The following PNKP variants were observed in gnomAD, a reference collection of about 807,000 sequenced individuals.
PNKP encodes the protein bifunctional polynucleotide phosphatase/kinase.
PNKP carries 82 observed loss-of-function variants against 66.2 expected under a neutral mutation model. That is an observed-to-expected ratio of 1.24 (90% CI 1.04 to 1.49). The LOEUF is 1.49. PNKP is among the 40% of genes most tolerant of loss of function. The probability of loss-of-function intolerance (pLI) is 0.00; values close to 1 mark genes in which losing one functional copy is unlikely to be tolerated. For missense variants in PNKP, 907 were observed against 706.8 expected (o/e 1.28, Z -3.21); for synonymous variants, 412 against 298.9 (o/e 1.38, Z -3.90).
intron 8 of PNKP, 24 bp downstream of exon 8, chr19:49,863,665 G>T: frequency 2.0e-6 from 3 of 1,538,094 alleles, no homozygotes; most frequent in East Asian, 4.9e-5. Flanking sequence ...AAAGGAGGGG[G>T]GCCGGGCAGG....
chr19:49,864,184 A>T lies in PNKP; in HGVS notation c.631T>A (p.Tyr211Asn). The T allele has an allele frequency of 6.2e-7, 1 of 1,614,150 alleles. No homozygotes were observed. Among genetic ancestry groups the T allele is most frequent in the Non-Finnish European group, 8.5e-7 (1 of 1,180,008 alleles). Residue 211 changes from tyrosine to asparagine, a missense_variant, in exon 6 of 17, where the codon TAC (tyrosine) becomes AAC (asparagine). Coordinates refer to ENST00000322344, the MANE Select transcript of PNKP (RefSeq NM_007254.4). Reference sequence around the variant, plus strand: ...AGACAGGCGGCTGCACATACCTTGTAGCCCTCGGCTTCCAGCTCTCGGAGC... The same window carrying T: ...AGACAGGCGGCTGCACATACCTTGTTGCCCTCGGCTTCCAGCTCTCGGAGC... Reference protein sequence around the residue: ...RKLRELEAEGYKLVIFTNQMS... With the variant: ...RKLRELEAEGNKLVIFTNQMS...
intron 3 of PNKP, 79 bp downstream of exon 3, chr19:49,866,320 T>C (rs1228535187): frequency 8.4e-6 from 11 of 1,306,892 alleles, no homozygotes; most frequent in Admixed American, 1.7e-5. Context: ...TTTCCTAATG[T>C]ACCCCTTCAC....
At position 49,864,344 on chromosome 19, in the gene PNKP, G is replaced by A; in HGVS notation, c.558C>T (p.Pro186=). 6.2e-7 allele frequency: 1 copy of A among 1,613,846 alleles called. No individual in the cohort carries two copies. The highest frequency in any genetic ancestry group is 8.5e-7 in the Non-Finnish European group (1 of 1,179,750). The stretch of plus-strand genomic sequence containing the variant: ...ATCACCTCCAGTCACTGGGGCCAGT[G>A]GGAAAGACCTTCCCAGAGCGTGTGG... ...LITTRSGKVF[P]TGPSDWRILY... is the part of the protein sequence containing the mutation. The change falls in exon 5 of 17, where the codon CCC becomes CCT. Residue 186 remains proline, a synonymous_variant. Transcript: ENST00000322344.
intron 10 of PNKP, 34 bp downstream of exon 10, chr19:49,862,504 G>C (rs1270557349): frequency 1.2e-6 from 2 of 1,600,590 alleles, no homozygotes; most frequent in Non-Finnish European, 1.7e-6. Flanking sequence ...GCCAGGGTCG[G>C]GCTCGGGCGC....
At chr19:49,867,375 G>A in intron 1 of PNKP, 94 bp downstream of exon 1, 3 of 724,506 alleles carry the variant, frequency 4.1e-6, no homozygotes, top group South Asian at 1.8e-5. Flanking sequence ...CCCAGGCGAC[G>A]ACGCGTGCTC....
chr19:49,864,004 T>C lies in PNKP; in HGVS notation c.704A>G (p.Lys235Arg). Residue 235 changes from lysine to arginine, a missense_variant, in exon 7 of 17, where the codon AAG (lysine) becomes AGG (arginine). Transcript: ENST00000322344. ...GKLPAEEFKA[K>R]VEAVVEKLGV... The stretch of plus-strand genomic sequence containing the variant: ...CAGCTTCTCCACCACAGCCTCCACC[T>C]TGGCCTTGAACTCCTCGGCTGGCAG... 6.2e-7 allele frequency: 1 copy of C among 1,614,068 alleles called. No homozygotes were observed. Among genetic ancestry groups the C allele is most frequent in the Non-Finnish European group, 8.5e-7 (1 of 1,180,000 alleles).
Position 49,861,614 on chromosome 19 carries a change from G to C in PNKP, c.1380C>G (p.Asn460Lys). 1 of 1,556,978 alleles carries C rather than the reference G, an allele frequency of 6.4e-7. No homozygotes were observed. Among genetic ancestry groups the C allele is most frequent in the South Asian group, 1.2e-5 (1 of 84,986 alleles). Reference sequence around the variant, plus strand: ...CCGGGCTGAGCGGGCTCACCCGGTTGTTGTGGCGCGCCTGCTCCAGAGTGG... The same window carrying C: ...CCGGGCTGAGCGGGCTCACCCGGTTCTTGTGGCGCGCCTGCTCCAGAGTGG... ...FTATLEQARH[N>K]NRFREMTDSS... Residue 460 changes from asparagine to lysine, a missense_variant, in exon 15 of 17, where the codon AAC becomes AAG. Transcript: ENST00000322344.
intron 14 of PNKP, 21 bp from the exon 15 acceptor site, chr19:49,861,716 T>G (rs1405937887): frequency 6.5e-7 from 1 of 1,548,748 alleles, no homozygotes; most frequent in South Asian, 1.2e-5. Flanking sequence ...AGGAGCTGGA[T>G]GTGCAGGCCC....
Position 49,867,034 on chromosome 19 carries a change from C to A in PNKP, c.151+20G>T, listed in dbSNP as rs2074825312. 1.2e-6 allele frequency: 2 copies of A among 1,612,890 alleles called. 1 individual carries two copies. Among genetic ancestry groups the A allele is most frequent in the South Asian group, 2.2e-5 (2 of 91,052 alleles). On this transcript the variant is annotated intron_variant, in intron 2 of 16. Transcript: ENST00000322344. ...GCTTTTGCAGCAGGCCACACCCCCTCCAGCTCAGGCCCCGCTCACCTTGAG... is the reference window on the plus strand; with the variant it reads ...GCTTTTGCAGCAGGCCACACCCCCTACAGCTCAGGCCCCGCTCACCTTGAG...
intron 3 of PNKP, 90 bp from the exon 4 acceptor site, chr19:49,865,516 TC>T: frequency 2.3e-6 from 2 of 860,488 alleles, no homozygotes; most frequent in Non-Finnish European, 3.8e-6. Context: ...TCAGCCCTTC[TC>T]CACCACTATC....
At chr19:49,862,019 T>C in intron 13 of PNKP, 25 bp downstream of exon 13, 1 of 1,613,208 alleles carries the variant, frequency 6.2e-7, no homozygotes, top group Non-Finnish European at 8.5e-7. Context: ...ATAATAGATT[T>C]GGGGCGGCAA....
intron 4 of PNKP, among the ~76,000 whole-genome samples, 172 bp from the exon 5 acceptor site, chr19:49,864,575 T>G (rs1422144393): frequency 6.6e-6 from 1 of 152,114 alleles, no homozygotes; most frequent in Non-Finnish European, 1.5e-5. Context: ...TGCCTCTGAG[T>G]GGGGCCCGAC....
In PNKP at chr19:49,864,395, G is replaced by T. The variant is rs1412139462; in HGVS notation, c.507C>A (p.Gly169=). ...TGATGAGCGTCCCGTCCAGATCAAA[G>T]CCAGCCACCTGGTGTCACCAAGGAA... The part of the protein sequence containing the change: ...AGVKPQGKVA[G]FDLDGTLITT... The change falls in exon 5 of 17, where the codon GGC becomes GGA. Residue 169 remains glycine (G), a synonymous_variant. Transcript: ENST00000322344. 6.2e-7 allele frequency: 1 copy of T among 1,613,230 alleles called. No individual in the cohort carries two copies. The highest frequency in any genetic ancestry group is 2.2e-5 in the East Asian group (1 of 44,880).
rs768347980 is a variant in PNKP, at chr19:49,865,339, C to G, written c.286G>C (p.Val96Leu). Residue 96 changes from valine (V) to leucine (L), a missense_variant, in exon 4 of 17, where the codon GTC (valine) becomes CTC (leucine). Physicochemically the swap from Val to Leu is conservative, Grantham distance 32. Transcript: ENST00000322344. ...AGGGTCAGTGGGTGGAGGCCATTGA[C>G]CAAATACAGTGTGTCCCCCACCCCC... ...SLGVGDTLYL[V>L]NGLHPLTLRW... 8.1e-6 allele frequency: 13 copies of G among 1,614,004 alleles called. No individual in the cohort carries two copies. The highest frequency in any genetic ancestry group is 5.0e-5 in the Admixed American group (3 of 60,016).
Position 49,865,116 on chromosome 19 carries a change from G to C in PNKP, c.498+11C>G. The C allele has an allele frequency of 1.9e-6, 3 of 1,611,904 alleles. No homozygotes were observed. The highest frequency in any genetic ancestry group is 1.7e-6 in the Non-Finnish European group (2 of 1,178,838). On this transcript the variant is annotated intron_variant, in intron 4 of 16. Coordinates refer to ENST00000322344, the MANE Select transcript of PNKP (RefSeq NM_007254.4). Reference sequence around the variant, plus strand: ...TGTGGCGGCTCCCTCAGCCCTCGGCGTGGCCCTCACCTTGCCCTGGGGTTT... The same window carrying C: ...TGTGGCGGCTCCCTCAGCCCTCGGCCTGGCCCTCACCTTGCCCTGGGGTTT...
Position 49,863,689 on chromosome 19 carries a change from C to T in PNKP, c.816G>A (p.Gln272=), listed in dbSNP as rs534099292. Residue 272 remains glutamine, a splice_region_variant and synonymous_variant, in exon 8 of 17, where the codon CAG becomes CAA. Transcript: ENST00000322344. The part of the protein sequence containing the change: ...VTGMWDHLQE[Q]ANDGTPISIG... ...GGGCCGGGCAGGCTGCAAGACTCAC[C>T]TGCTCCTGCAGATGGTCCCACATGC... 19 of 1,552,976 alleles carry T rather than the reference C, an allele frequency of 1.2e-5. No homozygotes were observed. The highest frequency in any genetic ancestry group is 2.0e-5 in the Admixed American group (1 of 51,198).
chr19:49,864,880 T>A (rs2074806448), intron 4 of PNKP, among the ~76,000 whole-genome samples: 1 of 152,228 alleles, frequency 6.6e-6, no homozygotes, highest in African/African-American at 2.4e-5. Context: ...TAAAAAATCC[T>A]CATCGTAATA....
chr19:49,862,574 C>G lies in PNKP; in HGVS notation c.900G>C (p.Gly300=). 1 of 1,613,104 alleles carries G rather than the reference C, an allele frequency of 6.2e-7. No homozygotes were observed. The highest frequency in any genetic ancestry group is 8.5e-7 in the Non-Finnish European group (1 of 1,179,532). Residue 300 remains glycine, a synonymous_variant, in exon 10 of 17, where the codon GGG becomes GGC. Coordinates refer to ENST00000322344, the MANE Select transcript of PNKP (RefSeq NM_007254.4). ...CGCAGGAGAAGTCTTTCTTCTTCCG[C>G]CCCGGGGCCCAGTTGGCCGGGCGTC... is the stretch of plus-strand genomic sequence containing the variant. The part of the protein sequence containing the change: ...AAGRPANWAP[G]RKKKDFSCAD...
rs752902474 is a variant in PNKP, at chr19:49,861,542, A to AGGGGTCAGGGGAGGAGG, written c.1386+49_1387-33dup. 7 of 682,792 alleles carry AGGGGTCAGGGGAGGAGG rather than the reference A, an allele frequency of 1.0e-5. No individual in the cohort carries two copies. The East Asian group carries it at 3.1e-4, about 30-fold the overall frequency. 42.3% of individuals were successfully genotyped at this position (682,792 alleles called of 1,614,324 possible). On this transcript the variant is annotated intron_variant, in intron 15 of 16. Coordinates refer to ENST00000322344, the MANE Select transcript of PNKP (RefSeq NM_007254.4). ...GGAACATCAGAGGGGCGGCAGGCCC[A>AGGGGTCAGGGGAGGAGG]GGGGTCAGGGGAGGAGGGGGGTCAG...
Sources: gnomAD v4.1 joint callset for allele counts (sites outside exome capture counted in the v4.1 genomes callset) on GRCh38, gnomAD v4.1.1 for gene constraint, MANE v1.5 for transcripts, NCBI Gene and HGNC (gene_info 2026-07-23, HGNC 2026-07-21) for gene names.